Variants in STK32A observed in about 807,000 individuals in gnomAD.
STK32A encodes serine/threonine kinase 32A.
In STK32A, 41 loss-of-function variants were observed where a neutral mutation model predicts 53.2. The ratio of observed to expected loss-of-function variants is 0.77; its 90% CI spans 0.60 to 1.00. The LOEUF (loss-of-function observed/expected upper bound fraction) is 1.00, where lower values mean the gene tolerates loss of function less well. Ranked by LOEUF, STK32A falls within the 50% of genes least tolerant of loss-of-function variation. The pLI is 0.00. For synonymous variants in STK32A, 166 were observed against 162.8 expected (o/e 1.02, Z -0.15); for missense variants, 458 against 485.8 (o/e 0.94, Z 0.54).
At chr5:147,349,907 C>T (rs572645927) in intron 6 of STK32A, among the ~76,000 whole-genome samples, 63 of 151,966 alleles carry the variant, frequency 4.1e-4, no homozygotes, top group South Asian at 8.3e-4. Flanking sequence ...GTCAAGAGAT[C>T]GTAGAACACC....
chr5:147,267,748 T>C (rs976257089), intron 2 of STK32A, among the ~76,000 whole-genome samples: 1 of 152,298 alleles, frequency 6.6e-6, no homozygotes, highest in Middle Eastern at 3.4e-3. Context: ...AGTCAACATT[T>C]ATATAAATAC....
intron 4 of STK32A, among the ~76,000 whole-genome samples, chr5:147,299,948 C>A (rs1022342246): frequency 2.0e-5 from 3 of 152,104 alleles, no homozygotes; most frequent in African/African-American, 7.2e-5. Flanking sequence ...TCTCTCTGGG[C>A]CTGACACATT....
At chr5:147,267,286 A>C (rs1031825416) in intron 2 of STK32A, among the ~76,000 whole-genome samples, 1 of 152,180 alleles carries the variant, frequency 6.6e-6, no homozygotes, top group Non-Finnish European at 1.5e-5. Context: ...TAAAGTTCAT[A>C]GCTAGTAAGT....
chr5:147,326,402 G>C (rs1203347797), intron 5 of STK32A, among the ~76,000 whole-genome samples: 1 of 152,028 alleles, frequency 6.6e-6, no homozygotes, highest in African/African-American at 2.4e-5. Flanking sequence ...ACATCCTTCT[G>C]GTGTCAAAAA....
At chr5:147,289,423 A>T (rs1752497129) in intron 4 of STK32A, among the ~76,000 whole-genome samples, 1 of 152,144 alleles carries the variant, frequency 6.6e-6, no homozygotes, top group Admixed American at 6.5e-5. Context: ...AATCTCATTC[A>T]TGCTAAAATG....
At chr5:147,271,834 C>A (rs374729376) in intron 2 of STK32A, among the ~76,000 whole-genome samples, 3 of 152,060 alleles carry the variant, frequency 2.0e-5, no homozygotes, top group Non-Finnish European at 4.4e-5. Context: ...CAATGGTGCC[C>A]GAAACTTCAT....
intron 7 of STK32A, among the ~76,000 whole-genome samples, chr5:147,352,624 G>A (rs922175345): frequency 2.0e-5 from 3 of 152,204 alleles, no homozygotes; most frequent in African/African-American, 7.2e-5. Context: ...AAGTGAGTCA[G>A]ATCTCAAGAG....
chr5:147,256,612 A>G (rs1445187418), intron 2 of STK32A, among the ~76,000 whole-genome samples: 1 of 152,144 alleles, frequency 6.6e-6, no homozygotes, highest in Non-Finnish European at 1.5e-5. Context: ...CCCAGGTTCA[A>G]GCAATTCTCC....
the STK32A span, chr5:147,393,836 T>C: frequency 1.0e-4 from 61 of 605,576 alleles, no homozygotes; most frequent in Admixed American, 1.5e-4. Context: ...AAATCAAGGC[T>C]ATGCATAAAC....
intron 10 of STK32A, among the ~76,000 whole-genome samples, chr5:147,373,518 C>T (rs1757097367): frequency 1.3e-5 from 2 of 152,214 alleles, no homozygotes; most frequent in South Asian, 2.1e-4. Flanking sequence ...GGTGTATTTG[C>T]GACTGAAGTT....
intron 4 of STK32A, among the ~76,000 whole-genome samples, chr5:147,323,435 T>C (rs1341841545): frequency 1.3e-5 from 2 of 152,158 alleles, no homozygotes; most frequent in Admixed American, 6.5e-5. Context: ...TGGGACATGA[T>C]CTGTTATAAT....
intron 2 of STK32A, among the ~76,000 whole-genome samples, chr5:147,244,859 T>C (rs149021617): frequency 1.5e-3 from 231 of 152,354 alleles, no homozygotes; most frequent in African/African-American, 5.3e-3. Flanking sequence ...TAGCAAAGTA[T>C]TTCCCATAAA....
At chr5:147,379,517 A>T (rs1757371136) in intron 11 of STK32A, among the ~76,000 whole-genome samples, 1 of 151,970 alleles carries the variant, frequency 6.6e-6, no homozygotes, top group Admixed American at 6.6e-5. Flanking sequence ...AGCTGTTGTG[A>T]TGCTTTACTT....
chr5:147,361,639 G>T, intron 8 of STK32A, 25 bp downstream of exon 8: 1 of 1,509,402 alleles, frequency 6.6e-7, no homozygotes, highest in Non-Finnish European at 9.2e-7. Context: ...TTTCCTCTTT[G>T]GTTATTTTTC....
chr5:147,324,387 A>G (rs1020664292), intron 5 of STK32A, among the ~76,000 whole-genome samples: 16 of 152,224 alleles, frequency 1.1e-4, no homozygotes, highest in African/African-American at 3.9e-4. Context: ...AAATAATTAA[A>G]TGGAGGTAGC....
At chr5:147,338,179 C>A (rs1163106990) in intron 5 of STK32A, among the ~76,000 whole-genome samples, 1 of 152,126 alleles carries the variant, frequency 6.6e-6, no homozygotes, top group Non-Finnish European at 1.5e-5. Context: ...AGGAAGAATG[C>A]AGTAGGAGTT....
chr5:147,340,329 C>T (rs921779101), intron 5 of STK32A, among the ~76,000 whole-genome samples: 8 of 152,162 alleles, frequency 5.3e-5, no homozygotes, highest in African/African-American at 1.9e-4. Context: ...CCACAGTGTT[C>T]AATTCTCCCC....
chr5:147,393,536 T>A, the STK32A span: 1 of 154,256 alleles, frequency 6.5e-6, no homozygotes, highest in Non-Finnish European at 1.4e-5. Context: ...ATAACGTACG[T>A]CATCAACACA....
At chr5:147,367,762 G>A (rs2152001760) in intron 8 of STK32A, among the ~76,000 whole-genome samples, 1 of 152,298 alleles carries the variant, frequency 6.6e-6, no homozygotes, top group Admixed American at 6.5e-5. Flanking sequence ...GTATGTGCAG[G>A]TCACAGGGGA....
Sources: gnomAD v4.1 joint callset for allele counts (sites outside exome capture counted in the v4.1 genomes callset) on GRCh38, gnomAD v4.1.1 for gene constraint, MANE v1.5 for transcripts, NCBI Gene and HGNC (gene_info 2026-07-23, HGNC 2026-07-21) for gene names.